The following MSRA variants were observed in gnomAD, a reference collection of about 807,000 sequenced individuals.
The protein encoded by MSRA is methionine sulfoxide reductase A.
In MSRA, 54 loss-of-function variants were observed where a neutral mutation model predicts 31.3. The ratio of observed to expected loss-of-function variants is 1.73; its 90% CI spans 1.39 to 2.17. MSRA has a LOEUF of 2.17. Among genes scored for constraint, MSRA ranks in the 30% most tolerant of loss-of-function variants. MSRA has a pLI of 0.00. For missense variants in MSRA, 507 were observed against 300.9 expected, an observed-to-expected ratio of 1.69 and a Z score of -5.07; for synonymous variants, 169 against 116.5, an observed-to-expected ratio of 1.45 and a Z score of -2.90.
intron 1 of MSRA, among the ~76,000 whole-genome samples, chr8:10,180,133 C>G (rs772410106): frequency 1.4e-4 from 21 of 152,226 alleles, no homozygotes; most frequent in Admixed American, 1.1e-3. Flanking sequence ...AGGTTGTCAC[C>G]TGCACTTCTC....
At chr8:10,399,827 C>T (rs1807332788) in intron 5 of MSRA, among the ~76,000 whole-genome samples, 1 of 152,076 alleles carries the variant, frequency 6.6e-6, no homozygotes, top group African/African-American at 2.4e-5. Flanking sequence ...ATTGCTGTCA[C>T]TAACAAACCG....
Position 10,167,169 on chromosome 8 carries a change from C to G in MSRA, c.143-40664C>G, listed in dbSNP as rs75317853. On this transcript the variant is annotated intron_variant, in intron 1 of 5. Transcript: ENST00000317173. ...CATGCCAGGAATTAAAATGTTTTGTCTGGAAACAAGTGAGCTTGACTAACG... is the reference window on the plus strand; with the variant it reads ...CATGCCAGGAATTAAAATGTTTTGTGTGGAAACAAGTGAGCTTGACTAACG... Among the ~76,000 whole-genome samples the G allele has an allele frequency of 3.8e-3, 576 of 152,286 alleles. 2 individuals are homozygous for G. Among genetic ancestry groups the G allele is most frequent in the Non-Finnish European group, 5.6e-3 (379 of 68,032 alleles).
intron 1 of MSRA, among the ~76,000 whole-genome samples, chr8:10,174,378 G>A (rs1329202367): frequency 6.6e-6 from 1 of 152,116 alleles, no homozygotes; most frequent in South Asian, 2.1e-4. Context: ...GGATGGAGGA[G>A]CCCAGGAGGC....
In MSRA at chr8:10,320,008, C is replaced by T; in HGVS notation, c.543+19C>T. 1 of 1,558,412 alleles carries T rather than the reference C, an allele frequency of 6.4e-7. No homozygotes were observed. The highest frequency in any genetic ancestry group is 2.3e-5 in the East Asian group (1 of 43,706). On this transcript the variant is annotated intron_variant, in intron 5 of 5. Transcript: ENST00000317173. Reference sequence around the variant, plus strand: ...CCAAAAGGTAGGGATTGCTGGGCTCCTAGCCCCTGGCTTAGGCCACCATGA... The same window carrying T: ...CCAAAAGGTAGGGATTGCTGGGCTCTTAGCCCCTGGCTTAGGCCACCATGA...
At chr8:10,102,124 G>T (rs563704175) in intron 1 of MSRA, among the ~76,000 whole-genome samples, 2 of 152,108 alleles carry the variant, frequency 1.3e-5, no homozygotes, top group East Asian at 1.9e-4. Context: ...ATTTCTTTGG[G>T]TGTATCCTGT....
intron 1 of MSRA, among the ~76,000 whole-genome samples, chr8:10,093,456 G>T (rs1163123888): frequency 6.6e-6 from 1 of 151,986 alleles, no homozygotes; most frequent in Non-Finnish European, 1.5e-5. Flanking sequence ...CTCCTATATA[G>T]CTCTGTTCTA....
intron 5 of MSRA, among the ~76,000 whole-genome samples, chr8:10,407,002 C>T (rs1305343274): frequency 1.3e-5 from 2 of 152,178 alleles, no homozygotes; most frequent in African/African-American, 2.4e-5. Context: ...CTCGGTCTCC[C>T]AAATAGCTGA....
chr8:10,065,579 T>C (rs1464718078), intron 1 of MSRA, among the ~76,000 whole-genome samples: 1 of 152,200 alleles, frequency 6.6e-6, no homozygotes, highest in Non-Finnish European at 1.5e-5. Context: ...AAGTTCCAAG[T>C]GTAAGATATG....
intron 1 of MSRA, among the ~76,000 whole-genome samples, chr8:10,161,745 C>T (rs1804670453): frequency 1.3e-5 from 2 of 152,146 alleles, no homozygotes; most frequent in South Asian, 4.2e-4. Context: ...CTCGGGGTGT[C>T]TGCATCTGGG....
chr8:10,085,223 C>G (rs572707340), intron 1 of MSRA, among the ~76,000 whole-genome samples: 7 of 152,254 alleles, frequency 4.6e-5, no homozygotes, highest in African/African-American at 1.7e-4. Flanking sequence ...ACATCCTGAG[C>G]ATTCCTGCCT....
chr8:10,401,378 A>G lies in MSRA; in HGVS notation c.544-26770A>G, dbSNP rs1022954357. Among the ~76,000 whole-genome samples, 4 of 152,204 alleles carry G rather than the reference A, an allele frequency of 2.6e-5. No homozygotes were observed. In the South Asian group the frequency reaches 8.3e-4, roughly 32 times the overall value. On this transcript the variant is annotated intron_variant, in intron 5 of 5. Transcript: ENST00000317173. ...GAGAAACCACTTCAGACCCATTAGG[A>G]CGGCTATTATCAAAACAAAACAAAA...
intron 1 of MSRA, among the ~76,000 whole-genome samples, chr8:10,062,158 C>T (rs557524542): frequency 6.6e-6 from 1 of 152,324 alleles, no homozygotes; most frequent in African/African-American, 2.4e-5. Flanking sequence ...TGGTCTGGCT[C>T]CTGCATGGGT....
intron 1 of MSRA, among the ~76,000 whole-genome samples, chr8:10,100,770 T>A (rs1799481820): frequency 6.6e-6 from 1 of 152,156 alleles, no homozygotes; most frequent in Non-Finnish European, 1.5e-5. Flanking sequence ...TGAAAAATGT[T>A]ACCTGTGTGT....
intron 1 of MSRA, among the ~76,000 whole-genome samples, chr8:10,154,631 C>G (rs1011097925): frequency 1.3e-5 from 2 of 152,174 alleles, no homozygotes; most frequent in Non-Finnish European, 2.9e-5. Flanking sequence ...CCCACCTCGG[C>G]CTCCCAAAGT....
chr8:10,068,080 C>T (rs185523626), intron 1 of MSRA, among the ~76,000 whole-genome samples: 106 of 152,020 alleles, frequency 7.0e-4, no homozygotes, highest in African/African-American at 2.3e-3. Context: ...CATGGGGTTT[C>T]GCTGTGTTTG....
chr8:10,171,105 G>T (rs1805548559), intron 1 of MSRA, among the ~76,000 whole-genome samples: 1 of 152,160 alleles, frequency 6.6e-6, no homozygotes, highest in African/African-American at 2.4e-5. Context: ...CACATGGATG[G>T]GAAGGCTAAA....
At chr8:10,163,388 A>G (rs542505452) in intron 1 of MSRA, among the ~76,000 whole-genome samples, 3 of 152,300 alleles carry the variant, frequency 2.0e-5, no homozygotes, top group Middle Eastern at 3.4e-3. Context: ...ATGGGCTGCT[A>G]TGAGAAGGAA....
At chr8:10,356,830 G>T (rs1804535410) in intron 5 of MSRA, among the ~76,000 whole-genome samples, 1 of 149,464 alleles carries the variant, frequency 6.7e-6, no homozygotes, top group Non-Finnish European at 1.5e-5. Flanking sequence ...TGTTACGGCA[G>T]CCCGAACAGA....
chr8:10,257,096 A>G (rs1469941548), intron 3 of MSRA, among the ~76,000 whole-genome samples: 1 of 152,206 alleles, frequency 6.6e-6, no homozygotes, highest in Admixed American at 6.5e-5. Context: ...TGGCCAGGGC[A>G]TTGCAAGGCA....
Sources: gnomAD v4.1 joint callset for allele counts (sites outside exome capture counted in the v4.1 genomes callset) on GRCh38, gnomAD v4.1.1 for gene constraint, MANE v1.5 for transcripts, NCBI Gene and HGNC (gene_info 2026-07-23, HGNC 2026-07-21) for gene names.